ZNF236: variants seen among roughly 807,000 people sequenced by gnomAD.
The protein encoded by ZNF236 is regulated by glucose.
ZNF236 carries 50 observed loss-of-function variants against 191.2 expected under a neutral mutation model. The observed-to-expected ratio is 0.26, with a 90% CI of 0.21 to 0.33. ZNF236 has a LOEUF of 0.33. Among genes scored for constraint, ZNF236 ranks in the 10% least tolerant of loss-of-function variants. The pLI, the probability that ZNF236 is intolerant of heterozygous loss-of-function variation, is 1.00. For missense variants in ZNF236, 1,754 were observed against 2,374.5 expected, an observed-to-expected ratio of 0.74 and a Z score of 5.43; for synonymous variants, 907 against 928.8, an observed-to-expected ratio of 0.98 and a Z score of 0.43.
At chr18:76,846,769 T>C (rs1482419548) in intron 1 of ZNF236, among the ~76,000 whole-genome samples, 1 of 152,166 alleles carries the variant, frequency 6.6e-6, no homozygotes, top group Non-Finnish European at 1.5e-5. Context: ...TGGAAAATTC[T>C]TAATTCATAA....
intron 1 of ZNF236, among the ~76,000 whole-genome samples, chr18:76,829,299 C>T (rs771807592): frequency 6.7e-6 from 1 of 150,368 alleles, no homozygotes; most frequent in Non-Finnish European, 1.5e-5. Flanking sequence ...TCACCCTTGG[C>T]AACTCACGCA....
chr18:76,968,844 G>C lies in ZNF236; in HGVS notation c.*505G>C, dbSNP rs939539371. On this transcript the variant is annotated 3_prime_UTR_variant, in exon 31 of 31. Transcript: ENST00000320610. Reference sequence around the variant, plus strand: ...TTCCACTCTTTTCTCTGTGCATTTTGAAAATTAGTCAAAATGGACTCTTTT... The same window carrying C: ...TTCCACTCTTTTCTCTGTGCATTTTCAAAATTAGTCAAAATGGACTCTTTT... 3.0e-6 allele frequency: 3 copies of C among 986,898 alleles called. No homozygotes were observed. In the African/African-American group the frequency reaches 5.2e-5, roughly 17 times the overall value. 61.1% of individuals were successfully genotyped at this position (986,898 alleles called of 1,614,324 possible).
Position 76,910,054 on chromosome 18 carries a change from C to A in ZNF236, c.2552-14C>A. 1 of 1,596,538 alleles carries A rather than the reference C, an allele frequency of 6.3e-7. No individual in the cohort carries two copies. Among genetic ancestry groups the A allele is most frequent in the Non-Finnish European group, 8.6e-7 (1 of 1,166,594 alleles). Reference sequence around the variant, plus strand: ...CAAATGTATGCGTCCCCCTTTTTTACATCTCATCCTCAGATGGGTTTGTGG... The same window carrying A: ...CAAATGTATGCGTCCCCCTTTTTTAAATCTCATCCTCAGATGGGTTTGTGG... On this transcript the variant is annotated splice_polypyrimidine_tract_variant and intron_variant, in intron 14 of 30. Transcript: ENST00000320610.
chr18:76,827,327 A>T (rs1975046797), intron 1 of ZNF236, among the ~76,000 whole-genome samples: 1 of 152,032 alleles, frequency 6.6e-6, no homozygotes. Context: ...ATGGGACTAC[A>T]GGTGCATGCC....
intron 3 of ZNF236, among the ~76,000 whole-genome samples, chr18:76,867,929 A>G (rs1191204152): frequency 2.6e-5 from 4 of 152,184 alleles, no homozygotes; most frequent in Admixed American, 2.0e-4. Context: ...GACCAGCATC[A>G]TCTAAGTGAA....
At chr18:76,905,565 AAAAAAG>A (rs1425559626) in intron 13 of ZNF236, 150 bp downstream of exon 13, 1 of 76,494 alleles carries the variant, frequency 1.3e-5, no homozygotes, top group Non-Finnish European at 2.0e-5. Context: ...AAAAAAAAAA[AAAAAAG>A]AAATGTAAGT....
intron 1 of ZNF236, among the ~76,000 whole-genome samples, chr18:76,841,326 G>A (rs1975495214): frequency 6.6e-6 from 1 of 152,216 alleles, no homozygotes; most frequent in South Asian, 2.1e-4. Flanking sequence ...ACCTGCCTCG[G>A]CCTCCCAAAG....
chr18:76,843,552 C>T (rs1448536285), intron 1 of ZNF236, among the ~76,000 whole-genome samples: 3 of 135,354 alleles, frequency 2.2e-5, no homozygotes, highest in Admixed American at 1.5e-4. Flanking sequence ...CAGAGGTGGG[C>T]GGATCACGAG....
intron 25 of ZNF236, among the ~76,000 whole-genome samples, chr18:76,934,922 G>A (rs1215607419): frequency 3.9e-5 from 6 of 152,248 alleles, no homozygotes; most frequent in Admixed American, 6.5e-5. Flanking sequence ...ACAATGTTGG[G>A]TTTGATGAGC....
In ZNF236 at chr18:76,937,317, A is replaced by G. The variant is rs1413439790; in HGVS notation, c.4756A>G (p.Thr1586Ala). Residue 1586 changes from threonine to alanine, a missense_variant, in exon 26 of 31, where the codon ACT (threonine) becomes GCT (alanine). By Grantham distance (58) the Thr-to-Ala change is moderately conservative. Coordinates refer to ENST00000320610, the MANE Select transcript of ZNF236 (RefSeq NM_001306089.2). ...GGGTATGCTATCTGGAGGCCTGGAC[A>G]CTGTCACACTCAACATCACCTCTCA... ...TQGMLSGGLD[T>A]VTLNITSQGQ... 1 of 1,612,934 alleles carries G rather than the reference A, an allele frequency of 6.2e-7. No homozygotes were observed. The highest frequency in any genetic ancestry group is 1.7e-5 in the Admixed American group (1 of 59,994).
intron 1 of ZNF236, among the ~76,000 whole-genome samples, chr18:76,842,392 A>C (rs1036575438): frequency 4.0e-5 from 6 of 151,594 alleles, no homozygotes; most frequent in Admixed American, 2.0e-4. Context: ...ACATTTTTTG[A>C]ATATACAAGC....
chr18:76,961,081 T>A (rs1038864132), intron 30 of ZNF236, among the ~76,000 whole-genome samples: 1 of 152,178 alleles, frequency 6.6e-6, no homozygotes, highest in African/African-American at 2.4e-5. Flanking sequence ...AGTGGTGATT[T>A]GTGAGATTTT....
chr18:76,873,517 G>A (rs187543700), intron 5 of ZNF236, among the ~76,000 whole-genome samples: 141 of 151,446 alleles, frequency 9.3e-4, no homozygotes, highest in Middle Eastern at 7.0e-3. Flanking sequence ...GGAGGCTGGC[G>A]GGCCCGGGTG....
In ZNF236 at chr18:76,915,947, G is replaced by C. The variant is rs150412240; in HGVS notation, c.3274+88G>C. Reference sequence around the variant, plus strand: ...CACAAATCACCGTGAGTATTTTGACGTGGCTATATATAGATTAGTTCAGTA... The same window carrying C: ...CACAAATCACCGTGAGTATTTTGACCTGGCTATATATAGATTAGTTCAGTA... On this transcript the variant is annotated intron_variant, in intron 19 of 30. Transcript: ENST00000320610. The C allele has an allele frequency of 3.1e-6, 4 of 1,283,894 alleles. No homozygotes were observed. The East Asian group carries it at 9.4e-5, about 30-fold the overall frequency. The allele number at this position is 1,283,894 out of a possible 1,614,324, so 79.5% of individuals were successfully genotyped here.
intron 5 of ZNF236, among the ~76,000 whole-genome samples, chr18:76,874,798 G>A (rs1976670018): frequency 6.6e-6 from 1 of 152,192 alleles, no homozygotes; most frequent in Non-Finnish European, 1.5e-5. Context: ...TGCCTGGTGT[G>A]TCTGAGGGCG....
chr18:76,851,382 C>T (rs553185463), intron 2 of ZNF236, among the ~76,000 whole-genome samples: 65 of 151,422 alleles, frequency 4.3e-4, no homozygotes, highest in African/African-American at 1.5e-3. Context: ...TCTCTTGCCT[C>T]GGCCTCCCAA....
chr18:76,869,353 A>G (rs1568204178), intron 4 of ZNF236, among the ~76,000 whole-genome samples: 1 of 152,252 alleles, frequency 6.6e-6, no homozygotes, highest in Non-Finnish European at 1.5e-5. Context: ...AGAGGAACCA[A>G]GTAGTTCTAT....
chr18:76,844,352 G>A (rs1975615168), intron 1 of ZNF236, among the ~76,000 whole-genome samples: 2 of 152,174 alleles, frequency 1.3e-5, no homozygotes, highest in African/African-American at 4.8e-5. Context: ...TCTAACGACA[G>A]CATCTGGTCT....
At chr18:76,961,596 A>T (rs1216281502) in intron 30 of ZNF236, among the ~76,000 whole-genome samples, 1 of 152,156 alleles carries the variant, frequency 6.6e-6, no homozygotes, top group Non-Finnish European at 1.5e-5. Context: ...GGACTGCTGG[A>T]TCAAATGGTA....
Sources: gnomAD v4.1 joint callset for allele counts (sites outside exome capture counted in the v4.1 genomes callset) on GRCh38, gnomAD v4.1.1 for gene constraint, MANE v1.5 for transcripts, NCBI Gene and HGNC (gene_info 2026-07-23, HGNC 2026-07-21) for gene names.